PTK2B: variants seen among roughly 807,000 people sequenced by gnomAD.
PTK2B encodes the protein protein tyrosine kinase 2 beta, also known as protein-tyrosine kinase 2-beta.
In PTK2B, 71 loss-of-function variants were observed where a neutral mutation model predicts 142.9. The observed-to-expected ratio is 0.50, with a 90% CI of 0.41 to 0.61. The LOEUF (loss-of-function observed/expected upper bound fraction) is 0.61. PTK2B is among the 20% of genes least tolerant of loss of function. The pLI is 0.00. For missense variants in PTK2B, 1,105 were observed against 1,320.4 expected, an observed-to-expected ratio of 0.84 and a Z score of 2.53; for synonymous variants, 519 against 503.4, an observed-to-expected ratio of 1.03 and a Z score of -0.42.
At chr8:27,385,346 C>CAA (rs1166717404) in intron 1 of PTK2B, among the ~76,000 whole-genome samples, 2 of 152,156 alleles carry the variant, frequency 1.3e-5, no homozygotes, top group African/African-American at 4.8e-5. Flanking sequence ...TGGCAAAGGA[C>CAA]CTCAAGGCAC....
chr8:27,390,528 C>T (rs1310297271), intron 1 of PTK2B, among the ~76,000 whole-genome samples: 8 of 152,026 alleles, frequency 5.3e-5, no homozygotes, highest in Admixed American at 5.2e-4. Flanking sequence ...GTAGTCCCAG[C>T]TACTTGGGAG....
chr8:27,451,094 A>G lies in PTK2B; in HGVS notation c.2523+16A>G. 6.2e-7 allele frequency: 1 copy of G among 1,610,004 alleles called. No homozygotes were observed. The highest frequency in any genetic ancestry group is 1.7e-5 in the Admixed American group (1 of 60,020). On this transcript the variant is annotated intron_variant, in intron 26 of 30. Coordinates refer to ENST00000346049, the MANE Select transcript of PTK2B (RefSeq NM_173176.3). Reference sequence around the variant, plus strand: ...GTCCCCATTGGTGAGTTGCCAGGAGAGGCCGCCTCCTCCATGCCAAGGCCT... The same window carrying G: ...GTCCCCATTGGTGAGTTGCCAGGAGGGGCCGCCTCCTCCATGCCAAGGCCT...
intron 1 of PTK2B, among the ~76,000 whole-genome samples, chr8:27,353,933 A>G (rs1411892330): frequency 6.6e-6 from 1 of 152,096 alleles, no homozygotes; most frequent in Non-Finnish European, 1.5e-5. Flanking sequence ...AACCCAAAAG[A>G]GAGGATTCAC....
intron 1 of PTK2B, among the ~76,000 whole-genome samples, chr8:27,355,642 A>G (rs762256832): frequency 6.6e-6 from 1 of 152,234 alleles, no homozygotes; most frequent in Admixed American, 6.5e-5. Flanking sequence ...ACTAAGAAAT[A>G]TGAGTGTATT....
intron 1 of PTK2B, among the ~76,000 whole-genome samples, chr8:27,335,932 A>AT (rs1804033569): frequency 6.6e-6 from 1 of 152,334 alleles, no homozygotes; most frequent in South Asian, 2.1e-4. Context: ...TTGAAGTGAG[A>AT]AGGCGAGGTA....
intron 27 of PTK2B, chr8:27,452,432 G>A (rs2132481441): frequency 6.6e-6 from 1 of 152,334 alleles, no homozygotes; most frequent in Non-Finnish European, 1.5e-5. Context: ...ATTAGGCCTG[G>A]TGATGCATGC....
chr8:27,430,812 C>A (rs1188368113), intron 7 of PTK2B, 64 bp from the exon 8 acceptor site: 1 of 1,579,600 alleles, frequency 6.3e-7, no homozygotes, highest in East Asian at 2.2e-5. Flanking sequence ...CAGCGAGACC[C>A]TAAGGGAAGG....
chr8:27,371,736 T>C (rs1029293139), intron 1 of PTK2B, among the ~76,000 whole-genome samples: 2 of 152,040 alleles, frequency 1.3e-5, no homozygotes, highest in Non-Finnish European at 2.9e-5. Context: ...TTAGTAGAGA[T>C]AGGATTTCAC....
At chr8:27,380,383 G>A (rs949146067) in intron 1 of PTK2B, among the ~76,000 whole-genome samples, 1 of 152,122 alleles carries the variant, frequency 6.6e-6, no homozygotes, top group Non-Finnish European at 1.5e-5. Context: ...CATGTGAGTT[G>A]TGCCAGGGGA....
At chr8:27,336,602 G>A (rs1439919493) in intron 1 of PTK2B, among the ~76,000 whole-genome samples, 1 of 152,196 alleles carries the variant, frequency 6.6e-6, no homozygotes, top group Non-Finnish European at 1.5e-5. Context: ...GATTATTTTA[G>A]CGATACATTT....
At chr8:27,316,855 T>A (rs1038210717) in intron 3 of PTK2B, among the ~76,000 whole-genome samples, 2 of 152,226 alleles carry the variant, frequency 1.3e-5, no homozygotes, top group African/African-American at 4.8e-5. Flanking sequence ...GCAAACATCT[T>A]TTATTTGACC....
At chr8:27,400,801 G>A (rs1808333603) in intron 2 of PTK2B, among the ~76,000 whole-genome samples, 1 of 152,176 alleles carries the variant, frequency 6.6e-6, no homozygotes, top group Admixed American at 6.5e-5. Context: ...GAGGAGCGTG[G>A]GTCTGGAGCT....
intron 1 of PTK2B, among the ~76,000 whole-genome samples, chr8:27,331,752 G>T (rs1803764095): frequency 2.0e-5 from 3 of 152,148 alleles, no homozygotes; most frequent in Admixed American, 2.0e-4. Context: ...CTCCCAAAGT[G>T]CTGGGATTAC....
chr8:27,458,849 A>C lies in PTK2B; in HGVS notation c.*340A>C. On this transcript the variant is annotated 3_prime_UTR_variant, in exon 31 of 31. Transcript: ENST00000346049. Reference sequence around the variant, plus strand: ...TCACATGGTGCCCCTAGCTTTATATATGGACATGGCAGGCCGATTTGGGAA... The same window carrying C: ...TCACATGGTGCCCCTAGCTTTATATCTGGACATGGCAGGCCGATTTGGGAA... The C allele has an allele frequency of 2.4e-6, 1 of 420,224 alleles. No individual in the cohort carries two copies. The highest frequency in any genetic ancestry group is 4.4e-6 in the Non-Finnish European group (1 of 228,542). 26.0% of individuals were successfully genotyped at this position (420,224 alleles called of 1,614,324 possible).
At chr8:27,371,390 G>A (rs1056431610) in intron 1 of PTK2B, among the ~76,000 whole-genome samples, 8 of 152,162 alleles carry the variant, frequency 5.3e-5, no homozygotes, top group Admixed American at 1.3e-4. Context: ...TGGGCATAGC[G>A]TGAAGAATGT....
intron 1 of PTK2B, among the ~76,000 whole-genome samples, chr8:27,360,356 G>T (rs578062315): frequency 2.0e-5 from 3 of 152,254 alleles, no homozygotes; most frequent in Non-Finnish European, 2.9e-5. Context: ...GGCAAGCGCC[G>T]CAGAGAAGGA....
chr8:27,321,285 C>T (rs1179460830), upstream of PTK2B, among the ~76,000 whole-genome samples: 2 of 152,108 alleles, frequency 1.3e-5, no homozygotes, highest in Admixed American at 1.3e-4. Context: ...CATGAGCCAC[C>T]ATGCCTGGCC....
Position 27,398,394 on chromosome 8 carries a change from A to T in PTK2B, c.204+606A>T, listed in dbSNP as rs188043738. 2.6e-3 allele frequency among the ~76,000 whole-genome samples: 397 copies of T among 152,350 alleles called. 2 individuals carry two copies. The highest frequency in any genetic ancestry group is 9.2e-3 in the African/African-American group (383 of 41,584). ...ACCTTCATCAGGGCACCTGGACACCAGGATGCCAGTTCACCTTAACCAAAT... is the reference window on the plus strand; with the variant it reads ...ACCTTCATCAGGGCACCTGGACACCTGGATGCCAGTTCACCTTAACCAAAT... On this transcript the variant is annotated intron_variant, in intron 2 of 30. Transcript: ENST00000346049.
upstream of PTK2B, among the ~76,000 whole-genome samples, chr8:27,321,061 C>T (rs1420826629): frequency 1.6e-5 from 2 of 128,916 alleles, no homozygotes; most frequent in African/African-American, 6.0e-5. Flanking sequence ...CTGGTGCAAT[C>T]ATAGCTCATT....
Sources: gnomAD v4.1 joint callset for allele counts (sites outside exome capture counted in the v4.1 genomes callset) on GRCh38, gnomAD v4.1.1 for gene constraint, MANE v1.5 for transcripts, NCBI Gene and HGNC (gene_info 2026-07-23, HGNC 2026-07-21) for gene names.